PEMT: variants seen among roughly 807,000 people sequenced by gnomAD.
The protein encoded by PEMT is phospholipid methyltransferase.
PEMT carries 23 observed loss-of-function variants against 27.4 expected under a neutral mutation model. That is an observed-to-expected ratio of 0.84 (90% CI 0.60 to 1.19). PEMT has a LOEUF of 1.19. Among genes scored for constraint, PEMT ranks in the 50% most tolerant of loss-of-function variants. PEMT has a pLI of 0.00. For synonymous variants in PEMT, 137 were observed against 139.1 expected (o/e 0.98, Z 0.11); for missense variants, 307 against 310.1 (o/e 0.99, Z 0.07).
intron 5 of PEMT, chr17:17,507,280 G>C: frequency 8.6e-7 from 1 of 1,167,028 alleles, no homozygotes; most frequent in South Asian, 1.3e-5. Context: ...CACAGAGGGC[G>C]CATGGGCAGG....
At chr17:17,563,920 C>T (rs536448822) in intron 2 of PEMT, among the ~76,000 whole-genome samples, 6 of 152,306 alleles carry the variant, frequency 3.9e-5, no homozygotes, top group South Asian at 2.1e-4. Context: ...CTCTAGCACT[C>T]GGCCTGCACA....
At chr17:17,539,514 C>T (rs1908730756) in intron 2 of PEMT, among the ~76,000 whole-genome samples, 1 of 152,218 alleles carries the variant, frequency 6.6e-6, no homozygotes, top group South Asian at 2.1e-4. Context: ...TCACATGTAT[C>T]CCCAGCTTGT....
At position 17,590,954 on chromosome 17, in the gene PEMT, G is replaced by T. The variant is rs70959682; in HGVS notation, c.96+577C>A. On this transcript the variant is annotated intron_variant, in intron 1 of 6. Coordinates refer to ENST00000255389, the MANE Select transcript of PEMT (RefSeq NM_148172.3). ...GTCGCACCCATTATGGCCCCGAAAC[G>T]GCTGGGTGGTGGTCTGCAGCCTGCC... Among the ~76,000 whole-genome samples, 24 of 152,300 alleles carry T rather than the reference G, an allele frequency of 1.6e-4. No individual in the cohort carries two copies. The East Asian group carries it at 4.6e-3, about 29-fold the overall frequency.
intron 2 of PEMT, among the ~76,000 whole-genome samples, chr17:17,552,976 C>T (rs4646381): frequency 0.06 from 9,106 of 152,318 alleles, 383 homozygotes; most frequent in East Asian, 0.14. Flanking sequence ...CCACTCTCCT[C>T]TGTAGAGTCC....
intron 2 of PEMT, among the ~76,000 whole-genome samples, chr17:17,560,198 C>T (rs1910373756): frequency 6.6e-6 from 1 of 152,194 alleles, no homozygotes; most frequent in African/African-American, 2.4e-5. Context: ...CTCCAGTGTG[C>T]CAAGTACGAT....
rs370419071 is a variant in PEMT at position 17,552,954 on chromosome 17, C to T, written c.204+23966G>A. ...GAGCCTTGGCTGGAGGGCGGCCCAG[C>T]GCCCCGTGAGTCCACTCTCCTCTGT... On this transcript the variant is annotated intron_variant, in intron 2 of 6. Coordinates refer to ENST00000255389, the MANE Select transcript of PEMT (RefSeq NM_148172.3). Among the ~76,000 whole-genome samples, 494 of 152,286 alleles carry T rather than the reference C, an allele frequency of 3.2e-3. 2 individuals are homozygous for T. The highest frequency in any genetic ancestry group is 0.017 in the South Asian group (81 of 4,820).
chr17:17,587,048 C>T (rs995420100), intron 1 of PEMT, among the ~76,000 whole-genome samples: 1 of 151,608 alleles, frequency 6.6e-6, no homozygotes, highest in Non-Finnish European at 1.5e-5. Flanking sequence ...GAGTTAAACC[C>T]AAAGGAGGCA....
intron 1 of PEMT, among the ~76,000 whole-genome samples, chr17:17,588,630 G>T (rs1402629114): frequency 6.6e-6 from 1 of 152,196 alleles, no homozygotes; most frequent in Non-Finnish European, 1.5e-5. Flanking sequence ...GTGAGCAGGT[G>T]ATTCGCTATG....
At chr17:17,548,403 G>C (rs989415305) in intron 2 of PEMT, among the ~76,000 whole-genome samples, 1 of 152,224 alleles carries the variant, frequency 6.6e-6, no homozygotes, top group Non-Finnish European at 1.5e-5. Flanking sequence ...AGGGGTCTGG[G>C]GGAGGAAGAG....
rs1345671701 is a variant in PEMT at position 17,561,776 on chromosome 17, G to C, written c.204+15144C>G. ...GCACCGGGCTCCCGAGGATGGCAAG[G>C]GGGACAGACTCCAGTGGGCTCAAGG... On this transcript the variant is annotated intron_variant, in intron 2 of 6. Transcript: ENST00000255389. The surrounding 1 kb of genome is among the most constrained non-coding windows in gnomAD (Gnocchi z 4.5). Among the ~76,000 whole-genome samples the C allele has an allele frequency of 6.6e-6, 1 of 152,204 alleles. No homozygotes were observed. Among genetic ancestry groups the C allele is most frequent in the East Asian group, 1.9e-4 (1 of 5,196 alleles).
chr17:17,517,411 C>T (rs1475901602), intron 3 of PEMT, among the ~76,000 whole-genome samples: 1 of 152,258 alleles, frequency 6.6e-6, no homozygotes, highest in Non-Finnish European at 1.5e-5. Context: ...TGCACACGCC[C>T]AGCCCTCCAT....
chr17:17,541,414 C>T (rs554809023), intron 2 of PEMT, among the ~76,000 whole-genome samples: 7 of 152,336 alleles, frequency 4.6e-5, no homozygotes, highest in Non-Finnish European at 1.0e-4. Flanking sequence ...GACCGTGGCC[C>T]GCAGCACCTG....
chr17:17,550,354 C>T (rs944339288), intron 2 of PEMT, among the ~76,000 whole-genome samples: 3 of 152,230 alleles, frequency 2.0e-5, no homozygotes, highest in Middle Eastern at 3.2e-3. Flanking sequence ...GAATTTGAAA[C>T]AAGAGTCCAT....
At position 17,523,554 on chromosome 17, in the gene PEMT, C is replaced by T. The variant is rs2142544873; in HGVS notation, c.205-1159G>A. 6.6e-6 allele frequency among the ~76,000 whole-genome samples: 1 copy of T among 152,272 alleles called. No individual in the cohort carries two copies. Among genetic ancestry groups the T allele is most frequent in the Admixed American group, 6.5e-5 (1 of 15,286 alleles). On this transcript the variant is annotated intron_variant, in intron 2 of 6. Transcript: ENST00000255389. The surrounding 1 kb of genome is among the most constrained non-coding windows in gnomAD (Gnocchi z 4.8). ...GAAGGAGAAGTGAAGGAGGTAGCTC[C>T]CGGGCCTTCCCCTCAACCAGCTGTT...
At chr17:17,570,258 C>T (rs991329373) in intron 2 of PEMT, among the ~76,000 whole-genome samples, 1 of 152,174 alleles carries the variant, frequency 6.6e-6, no homozygotes, top group African/African-American at 2.4e-5. Context: ...GAGCAGGCTC[C>T]GCTTCAACTC....
intron 3 of PEMT, among the ~76,000 whole-genome samples, chr17:17,521,153 C>T (rs1050786400): frequency 2.0e-5 from 3 of 152,208 alleles, no homozygotes; most frequent in South Asian, 4.1e-4. Context: ...CCCCAGTGAG[C>T]GCTCCACGTG....
At position 17,532,990 on chromosome 17, in the gene PEMT, G is replaced by A. The variant is rs1325340227; in HGVS notation, c.205-10595C>T. Among the ~76,000 whole-genome samples, 4 of 152,218 alleles carry A rather than the reference G, an allele frequency of 2.6e-5. No homozygotes were observed. The South Asian group carries it at 8.3e-4, about 32-fold the overall frequency. ...TGCAGTGAGCCGAGATCGTGCTATC[G>A]CACTCCAGCCTGGGTGACAGAGTGA... On this transcript the variant is annotated intron_variant, in intron 2 of 6. Transcript: ENST00000255389.
At chr17:17,506,083 G>A in intron 6 of PEMT, 144 bp downstream of exon 6, 1 of 976,794 alleles carries the variant, frequency 1.0e-6, no homozygotes. Flanking sequence ...AAGCTACCAT[G>A]GCCGCTCTGA....
chr17:17,549,859 T>C (rs939182054), intron 2 of PEMT, among the ~76,000 whole-genome samples: 1 of 152,198 alleles, frequency 6.6e-6, no homozygotes, highest in Non-Finnish European at 1.5e-5. Context: ...CACGTCCTCG[T>C]CTGGGCCACT....
Sources: gnomAD v4.1 joint callset for allele counts (sites outside exome capture counted in the v4.1 genomes callset) on GRCh38, gnomAD v4.1.1 for gene constraint, Gnocchi (gnomAD v3.1) non-coding constraint, MANE v1.5 for transcripts, NCBI Gene and HGNC (gene_info 2026-07-23, HGNC 2026-07-21) for gene names.